DNAJB6: variants seen among roughly 807,000 people sequenced by gnomAD.
The protein encoded by DNAJB6 is dnaJ homolog subfamily B member 6.
Under a neutral mutation model 42.7 loss-of-function variants are expected in DNAJB6, and 16 were observed. The observed-to-expected ratio is 0.37, with a 90% CI of 0.25 to 0.57. The LOEUF (loss-of-function observed/expected upper bound fraction) is 0.57. Among genes scored for constraint, DNAJB6 ranks in the 20% least tolerant of loss-of-function variants. The pLI is 0.74. For synonymous variants in DNAJB6, 170 were observed against 163.5 expected, an observed-to-expected ratio of 1.04 and a Z score of -0.30; for missense variants, 347 against 416.8, an observed-to-expected ratio of 0.83 and a Z score of 1.46.
At chr7:157,363,406 C>A in intron 3 of DNAJB6, 136 bp downstream of exon 3, 1 of 564,298 alleles carries the variant, frequency 1.8e-6, no homozygotes, top group Non-Finnish European at 3.2e-6. Flanking sequence ...TTGGGCCCTT[C>A]TAAGAGATTT....
At chr7:157,363,378 T>C in intron 3 of DNAJB6, 108 bp downstream of exon 3, 1 of 656,458 alleles carries the variant, frequency 1.5e-6, no homozygotes, top group South Asian at 2.0e-5. Flanking sequence ...GTGACTTGTT[T>C]TTGATGCCTA....
At chr7:157,351,723 G>A (rs183118656) in intron 1 of DNAJB6, among the ~76,000 whole-genome samples, 149 of 152,218 alleles carry the variant, frequency 9.8e-4, no homozygotes, top group African/African-American at 3.5e-3. Flanking sequence ...CAGCACTTTG[G>A]TAGGCCAAGG....
chr7:157,351,015 G>A (rs4716705), intron 1 of DNAJB6, among the ~76,000 whole-genome samples: 106,630 of 150,854 alleles, frequency 0.71, 38,556 homozygotes, highest in African/African-American at 0.87. Context: ...GCTCACTGCA[G>A]CCTCCGTCTC....
intron 3 of DNAJB6, among the ~76,000 whole-genome samples, chr7:157,364,900 A>G (rs1799771019): frequency 6.6e-6 from 1 of 152,152 alleles, no homozygotes; most frequent in African/African-American, 2.4e-5. Flanking sequence ...AACTGCTTGC[A>G]AGTGGTTTGT....
intron 1 of DNAJB6, among the ~76,000 whole-genome samples, chr7:157,340,998 G>GCGCGCGCGCGCGCGCGCT (rs57155944): frequency 1.7e-4 from 23 of 135,044 alleles, no homozygotes; most frequent in East Asian, 6.4e-4. Flanking sequence ...GTGTGTGTGT[G>GCGCGCGCGCGCGCGCGCT]CGCGCGCGCA....
At chr7:157,401,614 C>T (rs1257479473) in intron 8 of DNAJB6, among the ~76,000 whole-genome samples, 1 of 152,160 alleles carries the variant, frequency 6.6e-6, no homozygotes, top group Non-Finnish European at 1.5e-5. Context: ...GTCATGACAT[C>T]TGTGTGTGAG....
At chr7:157,379,755 G>A (rs1434814936) in intron 5 of DNAJB6, 1 of 151,388 alleles carries the variant, frequency 6.6e-6, no homozygotes, top group Non-Finnish European at 1.5e-5. Flanking sequence ...TCAGGAGCTG[G>A]AACTACAGAT....
chr7:157,369,544 T>G, intron 5 of DNAJB6: 1 of 362,314 alleles, frequency 2.8e-6, no homozygotes, highest in Non-Finnish European at 5.4e-6. Context: ...ACATTATGAT[T>G]AAACAGGGCT....
chr7:157,381,565 G>A (rs1250908707), intron 5 of DNAJB6: 1 of 152,164 alleles, frequency 6.6e-6, no homozygotes, highest in African/African-American at 2.4e-5. Flanking sequence ...CCTCATGTCG[G>A]TGATTTTCTG....
At chr7:157,373,404 G>A (rs1800316013) in intron 5 of DNAJB6, among the ~76,000 whole-genome samples, 1 of 152,154 alleles carries the variant, frequency 6.6e-6, no homozygotes, top group Non-Finnish European at 1.5e-5. Context: ...AGGCTGGAGT[G>A]CAGTGGCACA....
At chr7:157,345,885 A>G (rs1312581984) in intron 1 of DNAJB6, among the ~76,000 whole-genome samples, 2 of 151,976 alleles carry the variant, frequency 1.3e-5, no homozygotes, top group Admixed American at 6.6e-5. Flanking sequence ...TTGATTTAGT[A>G]TATTATTTTA....
intron 8 of DNAJB6, among the ~76,000 whole-genome samples, chr7:157,408,962 G>A (rs1795870158): frequency 6.6e-6 from 1 of 152,222 alleles, no homozygotes; most frequent in African/African-American, 2.4e-5. Context: ...GCGGAGGGAC[G>A]AGGAATCCCA....
intron 8 of DNAJB6, among the ~76,000 whole-genome samples, chr7:157,401,061 C>T (rs972261930): frequency 3.9e-5 from 6 of 152,146 alleles, no homozygotes; most frequent in East Asian, 1.9e-4. Context: ...TTGATGGTGC[C>T]GGCAGCTGTC....
chr7:157,356,625 T>TG (rs1414215515), intron 1 of DNAJB6, among the ~76,000 whole-genome samples: 2 of 152,244 alleles, frequency 1.3e-5, no homozygotes, highest in Non-Finnish European at 2.9e-5. Context: ...AACTGTGCAG[T>TG]GGTATACCCT....
intron 8 of DNAJB6, among the ~76,000 whole-genome samples, chr7:157,405,148 C>T (rs576581815): frequency 3.2e-4 from 49 of 152,274 alleles, no homozygotes; most frequent in African/African-American, 1.2e-3. Context: ...ACATGTGGGA[C>T]GCGGCGATGG....
At chr7:157,388,079 C>G (rs1801160761) in intron 8 of DNAJB6, among the ~76,000 whole-genome samples, 3 of 152,200 alleles carry the variant, frequency 2.0e-5, no homozygotes, top group Admixed American at 1.3e-4. Context: ...CTCTTGACTT[C>G]AAGTGATCCA....
rs200821425 is a variant in DNAJB6 at position 157,364,392 on chromosome 7, GTCT to G, written c.175+1127_175+1129del. On this transcript the variant is annotated intron_variant, in intron 3 of 9. Coordinates refer to ENST00000262177, the MANE Select transcript of DNAJB6 (RefSeq NM_058246.4). Reference sequence around the variant, plus strand: ...AGACATAAAAACACCGATATTTGAAGTCTTCTTGAAATGTGGCATTTAAGGTCT... The same window carrying G: ...AGACATAAAAACACCGATATTTGAAGTCTTGAAATGTGGCATTTAAGGTCT... Among the ~76,000 whole-genome samples, 811 of 152,274 alleles carry G rather than the reference GTCT, an allele frequency of 5.3e-3. 12 individuals are homozygous for G. Among genetic ancestry groups the G allele is most frequent in the African/African-American group, 0.018 (750 of 41,544 alleles).
intron 5 of DNAJB6, among the ~76,000 whole-genome samples, chr7:157,376,090 C>T (rs1481748163): frequency 6.6e-6 from 1 of 152,142 alleles, no homozygotes; most frequent in Non-Finnish European, 1.5e-5. Flanking sequence ...GTGGGAATCC[C>T]TTCGCTTCGT....
chr7:157,388,603 A>C (rs527678044), intron 8 of DNAJB6, among the ~76,000 whole-genome samples: 1 of 149,252 alleles, frequency 6.7e-6, no homozygotes, highest in South Asian at 2.2e-4. Context: ...TTTATTTTTA[A>C]AGTCTTTAAT....
Sources: gnomAD v4.1 joint callset for allele counts (sites outside exome capture counted in the v4.1 genomes callset) on GRCh38, gnomAD v4.1.1 for gene constraint, MANE v1.5 for transcripts, NCBI Gene and HGNC (gene_info 2026-07-23, HGNC 2026-07-21) for gene names.